CCNH: variants seen among roughly 807,000 people sequenced by gnomAD.
CCNH encodes cyclin-H.
A neutral mutation model predicts 41.9 loss-of-function variants in CCNH; 31 were observed. The observed-to-expected ratio is 0.74, with a 90% CI of 0.56 to 1.00. CCNH has a LOEUF of 1.00. Ranked by LOEUF, CCNH falls within the 50% of genes least tolerant of loss-of-function variation. The pLI is 0.00. For missense variants in CCNH, 362 were observed against 388.4 expected (o/e 0.93, Z 0.57); for synonymous variants, 138 against 136.1 (o/e 1.01, Z -0.10).
intron 2 of CCNH, among the ~76,000 whole-genome samples, chr5:87,409,845 T>A (rs1161679929): frequency 1.3e-5 from 2 of 152,206 alleles, no homozygotes; most frequent in African/African-American, 4.8e-5. Flanking sequence ...CCATGATTTG[T>A]GATCACTGCT....
Position 87,332,501 on chromosome 5 carries a change from A to C in CCNH, c.*91-13604T>G. 1 of 1,605,374 alleles carries C rather than the reference A, an allele frequency of 6.2e-7. No homozygotes were observed. The highest frequency in any genetic ancestry group is 1.1e-5 in the South Asian group (1 of 90,534). On this transcript the variant is annotated intron_variant and NMD_transcript_variant, in intron 9 of 9. Transcript: ENST00000645953. ...TTTTATACTGTATTTTTTCCTGTTCAAATAGGATTATTGCTATGTGTGGAG... is the reference window on the plus strand; with the variant it reads ...TTTTATACTGTATTTTTTCCTGTTCCAATAGGATTATTGCTATGTGTGGAG...
downstream of CCNH, chr5:87,386,729 A>G: frequency 1.0e-6 from 1 of 999,826 alleles, no homozygotes; most frequent in African/African-American, 1.6e-5. Flanking sequence ...TAGTAATTGC[A>G]GTTTTTGCTG....
At chr5:87,311,864 A>C in the CCNH span, among the ~76,000 whole-genome samples, 1 of 152,256 alleles carries the variant, frequency 6.6e-6, no homozygotes, top group Non-Finnish European at 1.5e-5. Context: ...GAAGGCTTTC[A>C]GTAAACAAAG....
At chr5:87,324,224 T>C (rs1476156462) in intron 9 of CCNH, among the ~76,000 whole-genome samples, 2 of 152,162 alleles carry the variant, frequency 1.3e-5, no homozygotes, top group Non-Finnish European at 2.9e-5. Flanking sequence ...ATACAAGAGA[T>C]TGAAAATGTG....
chr5:87,392,869 A>C (rs1762618503), downstream of CCNH: 1 of 153,392 alleles, frequency 6.5e-6, no homozygotes, highest in Admixed American at 6.5e-5. Context: ...TTCAGTGATA[A>C]GTGTGGACCT....
intron 9 of CCNH, among the ~76,000 whole-genome samples, chr5:87,338,536 A>ATATATATTTTTTTTT: frequency 3.4e-4 from 29 of 85,208 alleles, no homozygotes; most frequent in Admixed American, 2.6e-4. Context: ...TATATATAAA[A>ATATATATTTTTTTTT]TTTTTTTTTT....
At chr5:87,361,009 AAC>A (rs1435695253) in intron 9 of CCNH, among the ~76,000 whole-genome samples, 1 of 152,212 alleles carries the variant, frequency 6.6e-6, no homozygotes, top group Non-Finnish European at 1.5e-5. Context: ...AATACTTTGC[AAC>A]ACAGTTACAC....
intron 9 of CCNH, chr5:87,331,132 A>T: frequency 1.2e-6 from 1 of 861,952 alleles, no homozygotes; most frequent in South Asian, 1.6e-5. Flanking sequence ...GATGACTAGG[A>T]CTGAGCTTTT....
chr5:87,371,477 G>T (rs1475213065), downstream of CCNH, among the ~76,000 whole-genome samples: 1 of 152,000 alleles, frequency 6.6e-6, no homozygotes, highest in Non-Finnish European at 1.5e-5. Context: ...ATAAACCTTA[G>T]TTCTCTCCTT....
At chr5:87,386,474 G>A (rs1323309307) in intron 9 of CCNH, among the ~76,000 whole-genome samples, 1 of 151,978 alleles carries the variant, frequency 6.6e-6, no homozygotes, top group African/African-American at 2.4e-5. Flanking sequence ...GGCCATGTTT[G>A]AGTGAATTTA....
At chr5:87,348,965 A>G (rs1250178237) in intron 9 of CCNH, among the ~76,000 whole-genome samples, 4 of 151,940 alleles carry the variant, frequency 2.6e-5, no homozygotes, top group African/African-American at 7.2e-5. Flanking sequence ...TACTGCTGCA[A>G]AATTTCTGCT....
At chr5:87,406,860 G>A (rs901416336) in intron 4 of CCNH, among the ~76,000 whole-genome samples, 1 of 152,026 alleles carries the variant, frequency 6.6e-6, no homozygotes, top group African/African-American at 2.4e-5. Context: ...ACATACAGAT[G>A]CGCGATAAAT....
intron 7 of CCNH, among the ~76,000 whole-genome samples, chr5:87,397,388 G>A (rs201141702): frequency 2.6e-5 from 4 of 152,048 alleles, no homozygotes; most frequent in African/African-American, 7.2e-5. Context: ...TCGAACTCCC[G>A]ACCTCAGGTG....
At chr5:87,378,617 T>C (rs1761486166), upstream of CCNH, 1 of 1,376,550 alleles carries the variant, frequency 7.3e-7, no homozygotes, top group South Asian at 1.2e-5. Context: ...AATTACATTT[T>C]AAGGAAAATA....
intron 7 of CCNH, among the ~76,000 whole-genome samples, chr5:87,397,039 G>A (rs964532039): frequency 3.3e-5 from 5 of 152,122 alleles, no homozygotes; most frequent in African/African-American, 1.2e-4. Context: ...TAATTTTGAA[G>A]ATCAAGGAAA....
downstream of CCNH, chr5:87,375,053 C>T (rs1407259176): frequency 8.5e-7 from 1 of 1,181,808 alleles, no homozygotes; most frequent in Non-Finnish European, 1.1e-6. Context: ...TCTTTCTGTA[C>T]TTCTTAAAGT....
chr5:87,317,787 C>A (rs188885540), downstream of CCNH, among the ~76,000 whole-genome samples: 2 of 152,102 alleles, frequency 1.3e-5, no homozygotes, highest in East Asian at 3.9e-4. Context: ...AGGCGCATAC[C>A]ACCACACTCA....
intron 9 of CCNH, among the ~76,000 whole-genome samples, chr5:87,350,434 A>G (rs1454547818): frequency 1.3e-5 from 2 of 151,872 alleles, no homozygotes; most frequent in Non-Finnish European, 2.9e-5. Context: ...CACTGAAAAT[A>G]TATCATCTTC....
At chr5:87,322,558 T>C (rs889682352) in intron 9 of CCNH, among the ~76,000 whole-genome samples, 1 of 152,088 alleles carries the variant, frequency 6.6e-6, no homozygotes, top group East Asian at 1.9e-4. Context: ...TCTTGCTCTC[T>C]CTGGTCATGT....
Sources: allele counts gnomAD v4.1 joint callset (sites outside exome capture counted in the v4.1 genomes callset), GRCh38; gene constraint gnomAD v4.1.1; transcripts MANE v1.5; gene names NCBI Gene and HGNC (gene_info 2026-07-23, HGNC 2026-07-21).